MAF: variants seen among roughly 807,000 people sequenced by gnomAD.
The protein encoded by MAF is MAF bZIP transcription factor, also known as transcription factor Maf.
MAF carries 10 observed loss-of-function variants against 22.0 expected under a neutral mutation model. That is an observed-to-expected ratio of 0.45 (90% CI 0.28 to 0.77). MAF has a LOEUF of 0.77. MAF is among the 30% of genes least tolerant of loss of function. MAF has a pLI of 0.12. For synonymous variants in MAF, 337 were observed against 255.8 expected (o/e 1.32, Z -3.03); for missense variants, 544 against 548.4 (o/e 0.99, Z 0.08).
chr16:79,420,081 G>A, the MAF span, among the ~76,000 whole-genome samples: 5 of 151,636 alleles, frequency 3.3e-5, no homozygotes, highest in South Asian at 6.2e-4. Flanking sequence ...AAAAGTGACT[G>A]TGGCCAGCAC....
At chr16:79,435,711 T>G in the MAF span, among the ~76,000 whole-genome samples, 1 of 152,316 alleles carries the variant, frequency 6.6e-6, no homozygotes, top group East Asian at 1.9e-4. Flanking sequence ...CAGGAGTTGA[T>G]GGCTTTACAA....
At chr16:79,205,381 T>G in the MAF span, 1 of 152,236 alleles carries the variant, frequency 6.6e-6, no homozygotes, top group Non-Finnish European at 1.5e-5. Flanking sequence ...TTTTTCTACC[T>G]TTGTGAACCT....
At chr16:79,525,240 A>C in the MAF span, among the ~76,000 whole-genome samples, 3 of 152,130 alleles carry the variant, frequency 2.0e-5, no homozygotes, top group Non-Finnish European at 2.9e-5. Context: ...ATAAATAGCT[A>C]TGCACAGCTT....
chr16:79,485,160 T>G, the MAF span, among the ~76,000 whole-genome samples: 1 of 152,206 alleles, frequency 6.6e-6, no homozygotes, highest in Non-Finnish European at 1.5e-5. Context: ...GTGATCTCTT[T>G]AAAGGCTGTG....
At chr16:79,503,675 AG>A in the MAF span, among the ~76,000 whole-genome samples, 1 of 152,170 alleles carries the variant, frequency 6.6e-6, no homozygotes, top group Non-Finnish European at 1.5e-5. Flanking sequence ...TTCTTGGACA[AG>A]AAAAATCACA....
the MAF span, among the ~76,000 whole-genome samples, chr16:79,303,067 A>G: frequency 1.3e-5 from 2 of 152,156 alleles, no homozygotes; most frequent in African/African-American, 4.8e-5. Flanking sequence ...ACGATTTTCC[A>G]TCCAACACAA....
chr16:79,475,246 T>C, the MAF span, among the ~76,000 whole-genome samples: 1 of 152,032 alleles, frequency 6.6e-6, no homozygotes, highest in Admixed American at 6.6e-5. Context: ...AGGTACTTCC[T>C]AGAATTAGCT....
At chr16:79,456,081 G>C in the MAF span, among the ~76,000 whole-genome samples, 2 of 152,004 alleles carry the variant, frequency 1.3e-5, no homozygotes, top group African/African-American at 4.8e-5. Flanking sequence ...TGGTGAATGA[G>C]ACAAATTCTA....
chr16:79,528,030 C>G, the MAF span, among the ~76,000 whole-genome samples: 90,615 of 151,946 alleles, frequency 0.6, 29,435 homozygotes, highest in Non-Finnish European at 0.73. Context: ...GTAATCCCAG[C>G]TACTCAGGAG....
the MAF span, among the ~76,000 whole-genome samples, chr16:79,561,887 T>G: frequency 6.6e-6 from 1 of 152,170 alleles, no homozygotes; most frequent in Non-Finnish European, 1.5e-5. Flanking sequence ...ACAGAAAATA[T>G]TTGTTGAGCA....
At chr16:79,342,620 A>T in the MAF span, among the ~76,000 whole-genome samples, 25 of 151,518 alleles carry the variant, frequency 1.6e-4, no homozygotes, top group Non-Finnish European at 7.4e-5. Context: ...CACCATCACC[A>T]TCACCACCAC....
the MAF span, among the ~76,000 whole-genome samples, chr16:79,508,228 C>G: frequency 6.6e-6 from 1 of 152,284 alleles, no homozygotes; most frequent in Non-Finnish European, 1.5e-5. Context: ...TCTGCCTCAC[C>G]CAGGGAGGCC....
the MAF span, among the ~76,000 whole-genome samples, chr16:79,413,257 T>G: frequency 9.4e-6 from 1 of 106,478 alleles, no homozygotes; most frequent in South Asian, 3.9e-4. Flanking sequence ...TTTTTTTTTT[T>G]TTTGAGACGG....
chr16:79,487,814 G>A, the MAF span, among the ~76,000 whole-genome samples: 2 of 152,172 alleles, frequency 1.3e-5, no homozygotes, highest in East Asian at 1.9e-4. Context: ...CCCCGTGGTT[G>A]CTAAGAATCC....
At chr16:79,492,400 G>A in the MAF span, among the ~76,000 whole-genome samples, 6 of 151,958 alleles carry the variant, frequency 3.9e-5, no homozygotes, top group Non-Finnish European at 7.4e-5. Context: ...TTTAAAGAAA[G>A]ACCGGATCTG....
the MAF span, among the ~76,000 whole-genome samples, chr16:79,494,698 T>C: frequency 8.8e-3 from 1,347 of 152,254 alleles, 5 homozygotes; most frequent in Non-Finnish European, 0.014. Flanking sequence ...AATCCTCTAA[T>C]TCTCAGCAGA....
chr16:79,478,515 G>A, the MAF span, among the ~76,000 whole-genome samples: 3 of 152,112 alleles, frequency 2.0e-5, no homozygotes, highest in South Asian at 6.2e-4. Context: ...GGTCTTAGAT[G>A]TGGCAATGCT....
At chr16:79,463,127 T>C in the MAF span, among the ~76,000 whole-genome samples, 49 of 152,094 alleles carry the variant, frequency 3.2e-4, no homozygotes, top group Admixed American at 4.6e-4. Context: ...ATGCAAAGGC[T>C]TGAGGTGGAG....
the MAF span, among the ~76,000 whole-genome samples, chr16:79,290,530 C>T: frequency 6.6e-6 from 1 of 152,072 alleles, no homozygotes; most frequent in Non-Finnish European, 1.5e-5. Flanking sequence ...ACAGCTGTCC[C>T]AAGAGCCTGT....
Sources: gnomAD v4.1 joint callset for allele counts (sites outside exome capture counted in the v4.1 genomes callset) on GRCh38, gnomAD v4.1.1 for gene constraint, MANE v1.5 for transcripts, NCBI Gene and HGNC (gene_info 2026-07-23, HGNC 2026-07-21) for gene names.